The following NOL4 variants were observed in gnomAD, a reference collection of about 807,000 sequenced individuals.
The protein encoded by NOL4 is cancer/testis antigen 125.
In NOL4, 17 loss-of-function variants were observed where a neutral mutation model predicts 75.9. The observed-to-expected ratio is 0.22, with a 90% CI of 0.15 to 0.34. The LOEUF is 0.34. Ranked by LOEUF, NOL4 falls within the 10% of genes least tolerant of loss-of-function variation. NOL4 has a pLI of 1.00. For missense variants in NOL4, 614 were observed against 793.5 expected, an observed-to-expected ratio of 0.77 and a Z score of 2.72; for synonymous variants, 292 against 289.9, an observed-to-expected ratio of 1.01 and a Z score of -0.07.
intron 5 of NOL4, among the ~76,000 whole-genome samples, chr18:34,028,324 G>A (rs2144613227): frequency 6.6e-6 from 1 of 152,328 alleles, no homozygotes; most frequent in South Asian, 2.1e-4. Flanking sequence ...GATTCAGAGT[G>A]TTCACTGCTG....
chr18:33,886,527 CAAA>C (rs552709755), intron 9 of NOL4, among the ~76,000 whole-genome samples: 5 of 83,634 alleles, frequency 6.0e-5, no homozygotes, highest in Non-Finnish European at 4.9e-5. Context: ...GACTCCATCT[CAAA>C]AAAAAAAAAA....
chr18:33,867,976 T>C (rs945721371), intron 10 of NOL4, among the ~76,000 whole-genome samples: 1 of 152,094 alleles, frequency 6.6e-6, no homozygotes, highest in African/African-American at 2.4e-5. Flanking sequence ...AAGTCTTCAA[T>C]TGATGGGATG....
chr18:34,214,396 AAT>A (rs2036734046), intron 1 of NOL4, among the ~76,000 whole-genome samples: 1 of 152,240 alleles, frequency 6.6e-6, no homozygotes, highest in East Asian at 1.9e-4. Flanking sequence ...TTTTTTAGCA[AAT>A]GAGTTACGTT....
chr18:33,855,238 G>T (rs914250247), intron 10 of NOL4, among the ~76,000 whole-genome samples: 9 of 151,930 alleles, frequency 5.9e-5, no homozygotes, highest in African/African-American at 1.9e-4. Flanking sequence ...TTTCACTAGG[G>T]ACCAAATGGC....
At chr18:33,918,962 A>G (rs1210779081) in intron 9 of NOL4, among the ~76,000 whole-genome samples, 1 of 152,192 alleles carries the variant, frequency 6.6e-6, no homozygotes, top group Non-Finnish European at 1.5e-5. Flanking sequence ...ATAGATTAGT[A>G]TCTATTAGTA....
At chr18:34,039,879 C>T (rs563659866) in intron 5 of NOL4, among the ~76,000 whole-genome samples, 2 of 152,106 alleles carry the variant, frequency 1.3e-5, no homozygotes, top group African/African-American at 4.8e-5. Flanking sequence ...TTCTGTTTTT[C>T]ACTTTCAGCT....
chr18:33,921,196 C>T (rs2067015659), intron 9 of NOL4, among the ~76,000 whole-genome samples: 1 of 152,092 alleles, frequency 6.6e-6, no homozygotes, highest in African/African-American at 2.4e-5. Context: ...CCAGGATGGA[C>T]CATATCCAGA....
At chr18:34,082,898 G>T (rs781223808) in intron 5 of NOL4, among the ~76,000 whole-genome samples, 1 of 152,166 alleles carries the variant, frequency 6.6e-6, no homozygotes, top group African/African-American at 2.4e-5. Context: ...GCTGACTGAT[G>T]ATATGTGACT....
chr18:34,162,308 T>C (rs2031617257), intron 1 of NOL4, among the ~76,000 whole-genome samples: 1 of 152,126 alleles, frequency 6.6e-6, no homozygotes, highest in Non-Finnish European at 1.5e-5. Flanking sequence ...AGATGGTTTT[T>C]TGAAAGGATC....
intron 1 of NOL4, among the ~76,000 whole-genome samples, chr18:34,166,000 A>G (rs910337097): frequency 1.3e-5 from 2 of 152,096 alleles, no homozygotes; most frequent in Admixed American, 6.5e-5. Context: ...ATAAAAATTT[A>G]CAAAATATGT....
intron 6 of NOL4, among the ~76,000 whole-genome samples, chr18:33,972,359 A>G (rs1376942650): frequency 6.6e-6 from 1 of 152,148 alleles, no homozygotes; most frequent in African/African-American, 2.4e-5. Flanking sequence ...GAAACATATG[A>G]CAAGATGCTT....
intron 10 of NOL4, among the ~76,000 whole-genome samples, chr18:33,879,831 C>A (rs1021094953): frequency 6.6e-6 from 1 of 151,920 alleles, no homozygotes; most frequent in African/African-American, 2.4e-5. Context: ...TAGCCTTGAG[C>A]ATATCTCTTT....
chr18:34,066,471 C>T (rs2145194879), intron 5 of NOL4, among the ~76,000 whole-genome samples: 1 of 151,950 alleles, frequency 6.6e-6, no homozygotes, highest in East Asian at 1.9e-4. Context: ...AGAAAATATT[C>T]TGGAGATCTG....
intron 5 of NOL4, among the ~76,000 whole-genome samples, chr18:34,045,474 C>T (rs561793156): frequency 1.6e-4 from 25 of 152,220 alleles, no homozygotes; most frequent in African/African-American, 5.3e-4. Flanking sequence ...CCCATTGACC[C>T]CTATCTGCCC....
intron 2 of NOL4, among the ~76,000 whole-genome samples, chr18:34,119,911 C>A (rs1391283533): frequency 1.3e-5 from 2 of 152,058 alleles, no homozygotes; most frequent in African/African-American, 4.8e-5. Flanking sequence ...CTTAAGCCAC[C>A]GCGCCCGGCC....
chr18:34,054,934 T>C (rs1489198830), intron 5 of NOL4, among the ~76,000 whole-genome samples: 2 of 149,458 alleles, frequency 1.3e-5, no homozygotes, highest in Non-Finnish European at 3.0e-5. Flanking sequence ...TATAATGTTA[T>C]ATATTAATAT....
intron 5 of NOL4, among the ~76,000 whole-genome samples, chr18:34,037,410 A>AT: frequency 6.6e-6 from 1 of 152,156 alleles, no homozygotes; most frequent in East Asian, 1.9e-4. Context: ...CAGAAATAAA[A>AT]AAATCTTAAA....
chr18:34,091,097 C>T (rs2078495701), intron 5 of NOL4, among the ~76,000 whole-genome samples: 1 of 151,812 alleles, frequency 6.6e-6, no homozygotes, highest in African/African-American at 2.4e-5. Context: ...TGCCTGTAAT[C>T]CCAGCACTTT....
intron 1 of NOL4, among the ~76,000 whole-genome samples, chr18:34,173,534 GTTAA>G (rs1004035356): frequency 3.3e-5 from 5 of 152,074 alleles, no homozygotes; most frequent in Admixed American, 6.5e-5. Context: ...ATGTTTATTT[GTTAA>G]TTAATTAAAA....
Sources: allele counts gnomAD v4.1 joint callset (sites outside exome capture counted in the v4.1 genomes callset), GRCh38; gene constraint gnomAD v4.1.1; transcripts MANE v1.5; gene names NCBI Gene and HGNC (gene_info 2026-07-23, HGNC 2026-07-21).